TMTC4: variants seen among roughly 807,000 people sequenced by gnomAD.
The protein encoded by TMTC4 is transmembrane O-mannosyltransferase targeting cadherins 4.
A neutral mutation model predicts 86.0 loss-of-function variants in TMTC4; 65 were observed. The observed-to-expected ratio is 0.76, with a 90% CI of 0.62 to 0.93. The LOEUF is 0.93. TMTC4 is among the 40% of genes least tolerant of loss of function. TMTC4 has a pLI of 0.00. For synonymous variants in TMTC4, 379 were observed against 382.5 expected, an observed-to-expected ratio of 0.99 and a Z score of 0.11; for missense variants, 866 against 948.1, an observed-to-expected ratio of 0.91 and a Z score of 1.14.
At chr13:100,645,748 T>C (rs1009393627) in intron 6 of TMTC4, among the ~76,000 whole-genome samples, 1 of 152,016 alleles carries the variant, frequency 6.6e-6, no homozygotes, top group African/African-American at 2.4e-5. Context: ...CCTCACAGAG[T>C]TTATCACAAG....
At chr13:100,660,203 C>CGCCTGTA (rs1375830722) in intron 5 of TMTC4, among the ~76,000 whole-genome samples, 13 of 151,240 alleles carry the variant, frequency 8.6e-5, no homozygotes, top group Admixed American at 7.2e-4. Flanking sequence ...TGGTGGTGCA[C>CGCCTGTA]GCCTGTAGTC....
chr13:100,674,157 G>T (rs1373296058), intron 1 of TMTC4: 1 of 980,882 alleles, frequency 1.0e-6, no homozygotes, highest in Non-Finnish European at 1.2e-6. Context: ...GGAAGCGGCG[G>T]CTCGGTGGCC....
chr13:100,605,274 T>C lies in TMTC4; in HGVS notation c.2135-132A>G, dbSNP rs994862419. ...AAAAGTCAATTGTATGAAACAATAT[T>C]GTTTGTACTGAAAACTCTATTTATT... On this transcript the variant is annotated intron_variant, in intron 18 of 18. Transcript: ENST00000342624. This position sits in a 1 kb window ranked among gnomAD's most constrained non-coding sequence, Gnocchi z 4.3. The C allele has an allele frequency of 2.9e-5, 31 of 1,069,190 alleles. No homozygotes were observed. Among genetic ancestry groups the C allele is most frequent in the Middle Eastern group, 3.0e-4 (1 of 3,310 alleles). The allele number at this position is 1,069,190 out of a possible 1,614,324, so 66.2% of individuals were successfully genotyped here.
intron 15 of TMTC4, among the ~76,000 whole-genome samples, chr13:100,623,483 T>C (rs1333548946): frequency 6.6e-6 from 1 of 152,220 alleles, no homozygotes; most frequent in African/African-American, 2.4e-5. Flanking sequence ...TCCGCCCGCC[T>C]TGGCCTCCCA....
chr13:100,606,908 G>A (rs981708414), intron 17 of TMTC4, among the ~76,000 whole-genome samples: 3 of 152,208 alleles, frequency 2.0e-5, no homozygotes, highest in African/African-American at 7.2e-5. Context: ...GTGCAGAAAA[G>A]AGGAAGGAAT....
intron 12 of TMTC4, among the ~76,000 whole-genome samples, chr13:100,632,102 C>CTCTCTCTCTCTCTCT (rs1555342915): frequency 6.8e-6 from 1 of 147,990 alleles, no homozygotes; most frequent in African/African-American, 2.5e-5. Flanking sequence ...CTGTCTTTCT[C>CTCTCTCTCTCTCTCT]CTAATACTTA....
chr13:100,634,754 T>TTG (rs1352797802), intron 12 of TMTC4, 51 bp downstream of exon 12: 1 of 1,581,274 alleles, frequency 6.3e-7, no homozygotes, highest in Admixed American at 1.8e-5. Context: ...CCCAAGAACT[T>TTG]AACAGATACC....
rs200020803 is a variant in TMTC4, at chr13:100,631,837, C to CA, written c.1506+2967dup. 1.5e-3 allele frequency among the ~76,000 whole-genome samples: 226 copies of CA among 150,246 alleles called. 4 individuals carry two copies. The South Asian group carries it at 0.015, about 10-fold the overall frequency. Reference sequence around the variant, plus strand: ...TTCCTAAAATTAACTTACATTTTTTCAAAAAAAAGGAAGTAAAGATAATTT... The same window carrying CA: ...TTCCTAAAATTAACTTACATTTTTTCAAAAAAAAAGGAAGTAAAGATAATTT... On this transcript the variant is annotated intron_variant, in intron 12 of 18. Transcript: ENST00000342624.
At position 100,604,875 on chromosome 13, in the gene TMTC4, G is replaced by T; in HGVS notation, c.*119C>A. ...CTTTTTGCATGTCTTTGTTTTCATA[G>T]AAAAAAATCAGTAAAATAACATGTC... On this transcript the variant is annotated 3_prime_UTR_variant, in exon 19 of 19. Transcript: ENST00000342624. 2.5e-6 allele frequency: 3 copies of T among 1,205,862 alleles called. No homozygotes were observed. The South Asian group carries it at 7.3e-5, about 29-fold the overall frequency. The allele number at this position is 1,205,862 out of a possible 1,614,324, so 74.7% of individuals were successfully genotyped here. A position where few individuals can be genotyped will look rare whatever the true frequency, so the allele number is the denominator to read the frequency against.
chr13:100,665,271 G>GA (rs1490535963), intron 3 of TMTC4, among the ~76,000 whole-genome samples: 1 of 152,206 alleles, frequency 6.6e-6, no homozygotes, highest in Non-Finnish European at 1.5e-5. Context: ...GAGTAAGTAA[G>GA]AAAAATGACA....
At chr13:100,614,250 T>G in intron 16 of TMTC4, 66 bp downstream of exon 16, 1 of 1,191,408 alleles carries the variant, frequency 8.4e-7, no homozygotes, top group Non-Finnish European at 1.2e-6. Flanking sequence ...CTCTATTTCC[T>G]AAGTCTTCGG....
At chr13:100,655,459 G>T (rs1429196688) in intron 6 of TMTC4, among the ~76,000 whole-genome samples, 1 of 152,150 alleles carries the variant, frequency 6.6e-6, no homozygotes, top group Non-Finnish European at 1.5e-5. Flanking sequence ...TAACAGTGAG[G>T]TAGTGAAGGG....
At chr13:100,638,698 T>C (rs1212986420) in intron 7 of TMTC4, 3 of 152,250 alleles carry the variant, frequency 2.0e-5, no homozygotes, top group Non-Finnish European at 4.4e-5. Flanking sequence ...GATGTTTGGT[T>C]GTAAAACTTG....
chr13:100,628,561 T>C (rs1049942032), intron 12 of TMTC4, among the ~76,000 whole-genome samples: 1 of 152,146 alleles, frequency 6.6e-6, no homozygotes, highest in African/African-American at 2.4e-5. Context: ...TTTGAGGTAC[T>C]AACATGGATA....
intron 16 of TMTC4, among the ~76,000 whole-genome samples, chr13:100,613,435 T>C (rs1295208112): frequency 6.6e-6 from 1 of 152,210 alleles, no homozygotes; most frequent in Non-Finnish European, 1.5e-5. Context: ...TGCTCAGGGA[T>C]AGGAAACCAG....
intron 1 of TMTC4, among the ~76,000 whole-genome samples, chr13:100,671,132 C>CTTTTTTTTTGTTTTATTGTTTTATTGTTT (rs1887045124): frequency 1.3e-5 from 2 of 152,122 alleles, no homozygotes; most frequent in Non-Finnish European, 2.9e-5. Flanking sequence ...TTGACGTTAT[C>CTTTTTTTTTGTTTTATTGTTTTATTGTTT]TGTTTTATTG....
chr13:100,673,813 C>T (rs1301332854), intron 1 of TMTC4, among the ~76,000 whole-genome samples: 2 of 152,146 alleles, frequency 1.3e-5, no homozygotes, highest in African/African-American at 2.4e-5. Context: ...TGATTTTACC[C>T]CACTCCATCT....
intron 15 of TMTC4, among the ~76,000 whole-genome samples, chr13:100,620,480 CAT>C (rs1404783031): frequency 6.6e-6 from 1 of 152,136 alleles, no homozygotes; most frequent in African/African-American, 2.4e-5. Flanking sequence ...TCCCCCAAAA[CAT>C]ATAGGATTCC....
intron 9 of TMTC4, 94 bp downstream of exon 9, chr13:100,637,444 C>G (rs1478341791): frequency 1.1e-5 from 16 of 1,459,362 alleles, no homozygotes; most frequent in African/African-American, 1.4e-5. Context: ...ATTTTGTTGG[C>G]GTGCAGAGGA....
Sources: gnomAD v4.1 joint callset for allele counts (sites outside exome capture counted in the v4.1 genomes callset) on GRCh38, gnomAD v4.1.1 for gene constraint, Gnocchi (gnomAD v3.1) non-coding constraint, MANE v1.5 for transcripts, NCBI Gene and HGNC (gene_info 2026-07-23, HGNC 2026-07-21) for gene names.